FAM163A: variants seen among roughly 807,000 people sequenced by gnomAD.
The protein encoded by FAM163A is protein FAM163A.
A neutral mutation model predicts 12.0 loss-of-function variants in FAM163A; 7 were observed. The observed-to-expected ratio is 0.58, with a 90% CI of 0.33 to 1.10. The LOEUF is 1.10. Among genes scored for constraint, FAM163A ranks in the 50% least tolerant of loss-of-function variants. The pLI, the probability that FAM163A is intolerant of heterozygous loss-of-function variation, is 0.03. For synonymous variants in FAM163A, 101 were observed against 91.0 expected (o/e 1.11, Z -0.62); for missense variants, 202 against 218.6 (o/e 0.92, Z 0.48).
At chr1:179,759,728 A>C (rs558008716) in intron 1 of FAM163A, among the ~76,000 whole-genome samples, 1 of 152,004 alleles carries the variant, frequency 6.6e-6, no homozygotes, top group East Asian at 1.9e-4. Flanking sequence ...GTGCGGCGGC[A>C]CAATGTTGTC....
intron 1 of FAM163A, among the ~76,000 whole-genome samples, chr1:179,797,136 G>T (rs920453518): frequency 6.6e-6 from 1 of 152,200 alleles, no homozygotes; most frequent in Non-Finnish European, 1.5e-5. Flanking sequence ...AGAGAAGTCA[G>T]AGTGTGTTTC....
At chr1:179,757,320 G>A (rs936188671) in intron 1 of FAM163A, among the ~76,000 whole-genome samples, 1 of 152,206 alleles carries the variant, frequency 6.6e-6, no homozygotes, top group Admixed American at 6.5e-5. Context: ...GGAGAAGAAA[G>A]CAGGATTAGA....
chr1:179,729,975 C>A, the FAM163A span, among the ~76,000 whole-genome samples: 140 of 152,338 alleles, frequency 9.2e-4, 1 homozygote, highest in African/African-American at 3.2e-3. Context: ...TGCTGTCAAG[C>A]TCCATTAGGA....
chr1:179,730,169 C>T, the FAM163A span: 1 of 152,364 alleles, frequency 6.6e-6, no homozygotes, highest in East Asian at 1.9e-4. Flanking sequence ...ATTTATCCTC[C>T]CACTTGCAAG....
At chr1:179,762,616 A>T (rs913687821) in intron 1 of FAM163A, among the ~76,000 whole-genome samples, 3 of 152,226 alleles carry the variant, frequency 2.0e-5, no homozygotes, top group Non-Finnish European at 4.4e-5. Context: ...TCAAGTGAAG[A>T]GCTGGTTTTC....
At chr1:179,775,273 G>T (rs1480729909) in intron 1 of FAM163A, among the ~76,000 whole-genome samples, 3 of 152,186 alleles carry the variant, frequency 2.0e-5, no homozygotes, top group Non-Finnish European at 2.9e-5. Flanking sequence ...CATCCAATTG[G>T]TTGCAAAAAG....
chr1:179,792,783 C>T lies in FAM163A; in HGVS notation c.-135-15015C>T, dbSNP rs577612608. 2.6e-4 allele frequency among the ~76,000 whole-genome samples: 40 copies of T among 152,132 alleles called. No individual in the cohort carries two copies. In the South Asian group the frequency reaches 6.7e-3, roughly 25 times the overall value. On this transcript the variant is annotated intron_variant, in intron 1 of 4. Transcript: ENST00000341785. ...CATTCATTCATTCTGTAAACATGCA[C>T]GAAAGGGCTACTTTGTATTTGGTGC...
intron 1 of FAM163A, among the ~76,000 whole-genome samples, chr1:179,746,600 C>G (rs529335102): frequency 6.6e-6 from 1 of 152,310 alleles, no homozygotes; most frequent in African/African-American, 2.4e-5. Context: ...AAAACCTAAT[C>G]ATACCTGTTA....
chr1:179,733,085 G>A, the FAM163A span, among the ~76,000 whole-genome samples: 18 of 151,910 alleles, frequency 1.2e-4, no homozygotes, highest in Admixed American at 2.6e-4. Flanking sequence ...AGGCGGCAGG[G>A]ACCAGGACAA....
rs550793360 is a variant in FAM163A at position 179,774,778 on chromosome 1, C to T, written c.-136+31355C>T. 2.6e-4 allele frequency among the ~76,000 whole-genome samples: 39 copies of T among 152,248 alleles called. No homozygotes were observed. In the South Asian group the frequency reaches 8.1e-3, roughly 32 times the overall value. ...CCTGTTTCCACCCGCAGACCCTGGA[C>T]GAACTCATCTCCATGCTGTCCCCAC... is the stretch of plus-strand genomic sequence containing the variant. On this transcript the variant is annotated intron_variant, in intron 1 of 4. Transcript: ENST00000341785.
the FAM163A span, among the ~76,000 whole-genome samples, chr1:179,729,353 A>C: frequency 6.6e-6 from 1 of 152,184 alleles, no homozygotes; most frequent in Non-Finnish European, 1.5e-5. Flanking sequence ...AAATATTTTT[A>C]AATTAGTTTT....
At chr1:179,733,387 A>G in the FAM163A span, among the ~76,000 whole-genome samples, 1 of 152,210 alleles carries the variant, frequency 6.6e-6, no homozygotes, top group Non-Finnish European at 1.5e-5. Context: ...CCTGGTTCCC[A>G]AGAAATGACT....
upstream of FAM163A, among the ~76,000 whole-genome samples, chr1:179,739,924 GT>G (rs2147915945): frequency 6.6e-6 from 1 of 152,328 alleles, no homozygotes; most frequent in African/African-American, 2.4e-5. Context: ...TCCTGCCAAG[GT>G]TGTGGAGAAG....
chr1:179,814,063 C>T lies in FAM163A; in HGVS notation c.378C>T (p.Pro126=), dbSNP rs774470192. The T allele has an allele frequency of 6.2e-7, 1 of 1,614,020 alleles. No homozygotes were observed. The highest frequency in any genetic ancestry group is 8.5e-7 in the Non-Finnish European group (1 of 1,179,964). ...GGGGERLSFA[P]TYYKEGGPPS... is the part of the protein sequence containing the mutation. ...GAGGCGAGAGGCTCTCCTTTGCTCC[C>T]ACATACTACAAAGAGGGGGGACCCC... The change falls in exon 5 of 5, where the codon CCC becomes CCT. Residue 126 remains proline, a synonymous_variant. Coordinates refer to ENST00000341785, the MANE Select transcript of FAM163A (RefSeq NM_173509.3).
intron 1 of FAM163A, among the ~76,000 whole-genome samples, chr1:179,797,097 C>A (rs1034360930): frequency 1.2e-4 from 19 of 152,200 alleles, no homozygotes; most frequent in Non-Finnish European, 1.2e-4. Context: ...TGATTCAGCT[C>A]TCAGAGCCGT....
chr1:179,803,348 G>A (rs1382667750), intron 1 of FAM163A, among the ~76,000 whole-genome samples: 3 of 152,158 alleles, frequency 2.0e-5, no homozygotes, highest in African/African-American at 4.8e-5. Flanking sequence ...GGTGCCAGCC[G>A]CAGCTGGCGT....
At chr1:179,735,495 CTTTTTTTTTTTT>C in the FAM163A span, among the ~76,000 whole-genome samples, 44 of 62,186 alleles carry the variant, frequency 7.1e-4, 2 homozygotes, top group African/African-American at 2.3e-3. Context: ...GAGTTACATT[CTTTTTTTTTTTT>C]TTTTTTTTTT....
At chr1:179,758,437 A>T (rs908259683) in intron 1 of FAM163A, among the ~76,000 whole-genome samples, 1 of 152,222 alleles carries the variant, frequency 6.6e-6, no homozygotes, top group Non-Finnish European at 1.5e-5. Flanking sequence ...AAAGAAAAAA[A>T]GGGTGAACGC....
In FAM163A at chr1:179,813,105, C is replaced by A; in HGVS notation, c.8C>A (p.Ala3Glu). The A allele has an allele frequency of 6.4e-7, 1 of 1,551,696 alleles. No individual in the cohort carries two copies. Among genetic ancestry groups the A allele is most frequent in the Non-Finnish European group, 8.7e-7 (1 of 1,146,998 alleles). The change falls in exon 4 of 5, where the codon GCG becomes GAG. Residue 3 changes from alanine to glutamate, a missense_variant. Transcript: ENST00000341785. ...TGATGGGGCGCCGGGCGGATGACAG[C>A]GGGAACGGTTGTGATCACTGGCGGA... MT[A>E]GTVVITGGIL...
Sources: allele counts gnomAD v4.1 joint callset (sites outside exome capture counted in the v4.1 genomes callset), GRCh38; gene constraint gnomAD v4.1.1; transcripts MANE v1.5; gene names NCBI Gene and HGNC (gene_info 2026-07-23, HGNC 2026-07-21).